The following FMNL2 variants were observed in gnomAD, a reference collection of about 807,000 sequenced individuals.
FMNL2 encodes formin-like protein 2.
A neutral mutation model predicts 130.2 loss-of-function variants in FMNL2; 51 were observed. That is an observed-to-expected ratio of 0.39 (90% CI 0.31 to 0.49). FMNL2 has a LOEUF of 0.49. FMNL2 is among the 20% of genes least tolerant of loss of function. The probability of loss-of-function intolerance (pLI) is 0.85; values close to 1 mark genes in which losing one functional copy is unlikely to be tolerated. For missense variants in FMNL2, 977 were observed against 1,316.2 expected, an observed-to-expected ratio of 0.74 and a Z score of 3.99; for synonymous variants, 465 against 467.1, an observed-to-expected ratio of 1.00 and a Z score of 0.06.
intron 1 of FMNL2, among the ~76,000 whole-genome samples, chr2:152,408,174 T>C (rs1233119720): frequency 6.6e-6 from 1 of 152,250 alleles, no homozygotes; most frequent in African/African-American, 2.4e-5. Context: ...GCCTGTAGGA[T>C]AATAGATATT....
At chr2:152,381,752 CT>C (rs1242911020) in intron 1 of FMNL2, among the ~76,000 whole-genome samples, 1 of 152,086 alleles carries the variant, frequency 6.6e-6, no homozygotes, top group Non-Finnish European at 1.5e-5. Context: ...TTTAAATGTA[CT>C]GCTTTAAGAA....
intron 1 of FMNL2, among the ~76,000 whole-genome samples, chr2:152,490,367 G>T (rs114887231): frequency 6.6e-6 from 1 of 152,080 alleles, no homozygotes; most frequent in African/African-American, 2.4e-5. Flanking sequence ...TTTGAAAATC[G>T]TAAGTGTACA....
intron 1 of FMNL2, among the ~76,000 whole-genome samples, chr2:152,410,259 A>G (rs1686209765): frequency 6.6e-6 from 1 of 152,186 alleles, no homozygotes; most frequent in Non-Finnish European, 1.5e-5. Flanking sequence ...CTAGCAGCAG[A>G]CCAGTACCTA....
intron 10 of FMNL2, among the ~76,000 whole-genome samples, chr2:152,609,011 TG>T (rs1698539729): frequency 6.6e-6 from 1 of 152,212 alleles, no homozygotes; most frequent in African/African-American, 2.4e-5. Flanking sequence ...CTCTCTAGTT[TG>T]TCACAGTCCA....
chr2:152,478,393 G>A (rs1247063308), intron 1 of FMNL2, among the ~76,000 whole-genome samples: 3 of 151,348 alleles, frequency 2.0e-5, no homozygotes, highest in East Asian at 3.9e-4. Context: ...ACGCGCCAAC[G>A]TGCCCAGCTA....
chr2:152,400,498 C>G (rs1248366333), intron 1 of FMNL2, among the ~76,000 whole-genome samples: 2 of 151,952 alleles, frequency 1.3e-5, no homozygotes, highest in African/African-American at 4.8e-5. Context: ...GGGAAGCAGG[C>G]AGAGGGTATG....
At chr2:152,554,611 A>T (rs114626076) in intron 4 of FMNL2, among the ~76,000 whole-genome samples, 111 of 152,332 alleles carry the variant, frequency 7.3e-4, no homozygotes, top group African/African-American at 2.6e-3. Flanking sequence ...ATTAGAATAT[A>T]TGTTAAGTAT....
At chr2:152,488,068 C>T (rs1049569052) in intron 1 of FMNL2, among the ~76,000 whole-genome samples, 3 of 152,226 alleles carry the variant, frequency 2.0e-5, no homozygotes, top group African/African-American at 7.2e-5. Flanking sequence ...GTGTGAGCCA[C>T]AACGCCTGGC....
intron 2 of FMNL2, among the ~76,000 whole-genome samples, chr2:152,528,704 A>G (rs765917414): frequency 6.6e-6 from 1 of 152,148 alleles, no homozygotes; most frequent in Non-Finnish European, 1.5e-5. Context: ...GGACATGGCC[A>G]TATCTTTTGG....
chr2:152,448,801 G>C (rs1284616233), intron 1 of FMNL2, among the ~76,000 whole-genome samples: 9 of 152,222 alleles, frequency 5.9e-5, no homozygotes, highest in East Asian at 3.8e-4. Context: ...CTTGGAGAGT[G>C]CTGCTTTGAT....
At chr2:152,410,742 A>T (rs935113910) in intron 1 of FMNL2, among the ~76,000 whole-genome samples, 1 of 152,154 alleles carries the variant, frequency 6.6e-6, no homozygotes, top group Non-Finnish European at 1.5e-5. Context: ...TATTCCCTTA[A>T]CATAAACTTA....
At chr2:152,447,515 T>C (rs1363284980) in intron 1 of FMNL2, among the ~76,000 whole-genome samples, 1 of 152,240 alleles carries the variant, frequency 6.6e-6, no homozygotes, top group Non-Finnish European at 1.5e-5. Flanking sequence ...GAAGTGGTTT[T>C]ATTAAATAGC....
chr2:152,625,522 G>A lies in FMNL2; in HGVS notation c.1922G>A (p.Gly641Asp). The change falls in exon 16 of 26, where the codon GGC (glycine) becomes GAC (aspartate). Residue 641 changes from glycine to aspartate, a missense_variant. Around this residue, in one of 4 missense-constraint regions of FMNL2, gnomAD observed 689 missense variants for 995.9 expected, o/e 0.69. Coordinates refer to ENST00000288670, the MANE Select transcript of FMNL2 (RefSeq NM_052905.4). ...WVALKPNQIN[G>D]TVFNEIDDER... The stretch of plus-strand genomic sequence containing the variant: ...GCTCTGAAGCCCAATCAGATCAATG[G>A]CACAGTCTTCAATGAAATTGATGAT... The A allele has an allele frequency of 6.2e-7, 1 of 1,610,114 alleles. No individual in the cohort carries two copies. The highest frequency in any genetic ancestry group is 8.5e-7 in the Non-Finnish European group (1 of 1,176,692).
At chr2:152,628,028 CTA>C (rs1681913859) in intron 17 of FMNL2, among the ~76,000 whole-genome samples, 1 of 152,204 alleles carries the variant, frequency 6.6e-6, no homozygotes, top group African/African-American at 2.4e-5. Flanking sequence ...AGGCTTAGAG[CTA>C]TGCCAGTACC....
intron 1 of FMNL2, among the ~76,000 whole-genome samples, chr2:152,342,406 G>A (rs559482718): frequency 6.6e-6 from 1 of 152,338 alleles, no homozygotes; most frequent in South Asian, 2.1e-4. Context: ...GGGAAGGTGA[G>A]TTACAAGCTA....
chr2:152,360,238 TA>T (rs1683082709), intron 1 of FMNL2, among the ~76,000 whole-genome samples: 1 of 152,246 alleles, frequency 6.6e-6, no homozygotes, highest in African/African-American at 2.4e-5. Context: ...ATGTTCATAG[TA>T]AGATGACTGA....
At chr2:152,466,316 T>C (rs1689533389) in intron 1 of FMNL2, among the ~76,000 whole-genome samples, 1 of 152,238 alleles carries the variant, frequency 6.6e-6, no homozygotes, top group Non-Finnish European at 1.5e-5. Context: ...TGGCGTTTTG[T>C]AAACCACCTT....
intron 1 of FMNL2, among the ~76,000 whole-genome samples, chr2:152,504,413 A>AT (rs1174276320): frequency 5.3e-5 from 8 of 151,706 alleles, no homozygotes; most frequent in African/African-American, 1.9e-4. Flanking sequence ...CGACCGGCTA[A>AT]TTTTTTTATT....
chr2:152,599,739 A>G (rs1697955874), intron 9 of FMNL2, among the ~76,000 whole-genome samples: 2 of 152,156 alleles, frequency 1.3e-5, no homozygotes, highest in Non-Finnish European at 2.9e-5. Flanking sequence ...TGTATTTATG[A>G]AGGAGGAGAG....
Sources: allele counts gnomAD v4.1 joint callset (sites outside exome capture counted in the v4.1 genomes callset), GRCh38; gene constraint gnomAD v4.1.1; regional missense constraint gnomAD v4.1.1; transcripts MANE v1.5; gene names NCBI Gene and HGNC (gene_info 2026-07-23, HGNC 2026-07-21).